ADGRL2: variants seen among roughly 807,000 people sequenced by gnomAD.
The protein encoded by ADGRL2 is calcium-independent alpha-latrotoxin receptor 2.
In ADGRL2, 44 loss-of-function variants were observed where a neutral mutation model predicts 157.4. That is an observed-to-expected ratio of 0.28 (90% CI 0.22 to 0.36). ADGRL2 has a LOEUF of 0.36. Among genes scored for constraint, ADGRL2 ranks in the 10% least tolerant of loss-of-function variants. The pLI, the probability that ADGRL2 is intolerant of heterozygous loss-of-function variation, is 1.00. For missense variants in ADGRL2, 1,510 were observed against 1,768.9 expected, an observed-to-expected ratio of 0.85 and a Z score of 2.63; for synonymous variants, 585 against 624.7, an observed-to-expected ratio of 0.94 and a Z score of 0.95.
At chr1:81,570,281 TTGTC>T in intron 2 of ADGRL2, among the ~76,000 whole-genome samples, 1 of 152,336 alleles carries the variant, frequency 6.6e-6, no homozygotes. Context: ...CTTGGTTTTT[TTGTC>T]TGTACTTACT....
chr1:81,591,062 G>T (rs1233619055), intron 3 of ADGRL2, among the ~76,000 whole-genome samples: 1 of 152,170 alleles, frequency 6.6e-6, no homozygotes, highest in Admixed American at 6.6e-5. Flanking sequence ...GCTGGGTCAT[G>T]CTGAAATGTG....
chr1:81,598,773 A>G (rs1433162600), intron 3 of ADGRL2, among the ~76,000 whole-genome samples: 1 of 152,248 alleles, frequency 6.6e-6, no homozygotes, highest in African/African-American at 2.4e-5. Context: ...TCAGTTTCAC[A>G]GTCGTGAAAT....
intron 2 of ADGRL2, among the ~76,000 whole-genome samples, chr1:81,845,621 A>G (rs112071497): frequency 0.023 from 3,461 of 151,702 alleles, 137 homozygotes; most frequent in African/African-American, 0.08. Flanking sequence ...TGTCATTTTG[A>G]TATGAACTTT....
chr1:81,918,834 T>C (rs893321315), intron 3 of ADGRL2, among the ~76,000 whole-genome samples: 12 of 152,200 alleles, frequency 7.9e-5, no homozygotes, highest in Non-Finnish European at 1.8e-4. Context: ...TTTAGTTTTC[T>C]GGATTTTGTT....
intron 2 of ADGRL2, among the ~76,000 whole-genome samples, chr1:81,551,309 C>A (rs559278754): frequency 6.6e-6 from 1 of 151,740 alleles, no homozygotes; most frequent in African/African-American, 2.4e-5. Context: ...TCTGTGTATC[C>A]AACAGGCCAA....
intron 1 of ADGRL2, among the ~76,000 whole-genome samples, chr1:81,718,524 A>G (rs1335384707): frequency 2.0e-5 from 3 of 152,158 alleles, no homozygotes; most frequent in Non-Finnish European, 2.9e-5. Flanking sequence ...GAGTGACCAC[A>G]TGTCAAAAAT....
chr1:81,884,064 C>G (rs1170493702), intron 2 of ADGRL2, among the ~76,000 whole-genome samples: 4 of 151,418 alleles, frequency 2.6e-5, no homozygotes, highest in East Asian at 3.9e-4. Flanking sequence ...TGGTTCCCTT[C>G]AGCCTTGATC....
At chr1:81,596,277 C>T in intron 3 of ADGRL2, 1 of 571,646 alleles carries the variant, frequency 1.7e-6, no homozygotes, top group Admixed American at 1.9e-5. Flanking sequence ...GAAATGATCC[C>T]ATGTCTTAGA....
At chr1:81,924,192 A>G (rs1330902410) in intron 3 of ADGRL2, among the ~76,000 whole-genome samples, 9 of 152,092 alleles carry the variant, frequency 5.9e-5, no homozygotes, top group Non-Finnish European at 8.8e-5. Context: ...TCCTGTTTTT[A>G]GGATTGCATG....
At chr1:81,956,675 A>G (rs1653608566) in intron 11 of ADGRL2, among the ~76,000 whole-genome samples, 1 of 152,196 alleles carries the variant, frequency 6.6e-6, no homozygotes, top group Non-Finnish European at 1.5e-5. Flanking sequence ...ATACAGTAAA[A>G]TTTTATTAAT....
At chr1:81,942,828 T>A (rs1185848716) in intron 5 of ADGRL2, 141 bp from the exon 6 acceptor site, 1 of 713,892 alleles carries the variant, frequency 1.4e-6, no homozygotes, top group Non-Finnish European at 2.6e-6. Context: ...AGAAGGGTAG[T>A]ATTTGTATGA....
At chr1:81,539,813 A>AT (rs2079838502) in intron 2 of ADGRL2, among the ~76,000 whole-genome samples, 1 of 141,416 alleles carries the variant, frequency 7.1e-6, no homozygotes, top group South Asian at 2.2e-4. Flanking sequence ...AAGGGAAAAG[A>AT]TTAAAAAAAA....
chr1:81,472,908 GAAGGGAATAA>G lies in ADGRL2; in HGVS notation c.-248+27824_-248+27833del, dbSNP rs1443852936. Among the ~76,000 whole-genome samples, 10 of 152,266 alleles carry G rather than the reference GAAGGGAATAA, an allele frequency of 6.6e-5. No individual in the cohort carries two copies. In the East Asian group the frequency reaches 1.9e-3, roughly 29 times the overall value. ...TTAACATAGTGAATGTTTTAGGAAG[GAAGGGAATAA>G]AAGGAGGGAAGGAGGAAGGAAACTG... On this transcript the variant is annotated intron_variant, in intron 2 of 24. Coordinates refer to the ADGRL2 transcript ENST00000370721.
chr1:81,671,230 G>A (rs1490227246), intron 3 of ADGRL2, among the ~76,000 whole-genome samples: 1 of 152,136 alleles, frequency 6.6e-6, no homozygotes, highest in Admixed American at 6.5e-5. Context: ...CAGAGAAGAG[G>A]CCCACGCTGG....
chr1:81,974,610 G>C (rs144479902), intron 17 of ADGRL2, among the ~76,000 whole-genome samples: 67 of 152,194 alleles, frequency 4.4e-4, no homozygotes, highest in African/African-American at 1.6e-3. Context: ...AGTTCAGCTA[G>C]GTTACTTCAG....
intron 3 of ADGRL2, among the ~76,000 whole-genome samples, chr1:81,632,432 T>C (rs567407113): frequency 6.6e-6 from 1 of 152,222 alleles, no homozygotes; most frequent in Admixed American, 6.5e-5. Flanking sequence ...GCAAAGGCTC[T>C]GAGTGTGCAG....
chr1:81,959,849 G>A lies in ADGRL2; in HGVS notation c.2017+3789G>A, dbSNP rs143659255. 2.8e-3 allele frequency among the ~76,000 whole-genome samples: 424 copies of A among 151,740 alleles called. 4 individuals carry two copies. Among genetic ancestry groups the A allele is most frequent in the East Asian group, 3.7e-3 (19 of 5,148 alleles). On this transcript the variant is annotated intron_variant, in intron 11 of 23. Transcript: ENST00000686636. ...GAGTTCCACTCTTGTTGCCCAGGCTGGAGTGCAATGGCGCGATCTTGGCTC... is the reference window on the plus strand; with the variant it reads ...GAGTTCCACTCTTGTTGCCCAGGCTAGAGTGCAATGGCGCGATCTTGGCTC...
At chr1:81,849,526 G>A (rs78990187) in intron 2 of ADGRL2, among the ~76,000 whole-genome samples, 2,100 of 151,964 alleles carry the variant, frequency 0.014, 40 homozygotes, top group African/African-American at 0.041. Context: ...TTTACATAAA[G>A]TACTTTTGTT....
intron 1 of ADGRL2, among the ~76,000 whole-genome samples, chr1:81,433,231 GTGATTTCC>G (rs2077353699): frequency 2.0e-5 from 3 of 152,118 alleles, no homozygotes; most frequent in Admixed American, 2.0e-4. Flanking sequence ...AAAATGTCAT[GTGATTTCC>G]TATTTTACTT....
Sources: gnomAD v4.1 joint callset for allele counts (sites outside exome capture counted in the v4.1 genomes callset) on GRCh38, gnomAD v4.1.1 for gene constraint, MANE v1.5 for transcripts, NCBI Gene and HGNC (gene_info 2026-07-23, HGNC 2026-07-21) for gene names.